The following CMSS1 variants were observed in gnomAD, a reference collection of about 807,000 sequenced individuals.
CMSS1 encodes the protein cms1 ribosomal small subunit homolog.
In CMSS1, 33 loss-of-function variants were observed where a neutral mutation model predicts 43.5. The ratio of observed to expected loss-of-function variants is 0.76; its 90% CI spans 0.57 to 1.01. The LOEUF is 1.01. CMSS1 is among the 50% of genes least tolerant of loss of function. CMSS1 has a pLI of 0.00. For synonymous variants in CMSS1, 115 were observed against 117.2 expected (o/e 0.98, Z 0.12); for missense variants, 313 against 326.4 (o/e 0.96, Z 0.32).
At position 100,169,399 on chromosome 3, in the gene CMSS1, G is replaced by T. The variant is rs141262773; in HGVS notation, c.518+1559G>T. Among the ~76,000 whole-genome samples the T allele has an allele frequency of 2.7e-3, 413 of 152,304 alleles. 1 individual carries two copies. The highest frequency in any genetic ancestry group is 9.2e-3 in the African/African-American group (383 of 41,572). ...GCTCTCTCTGAGAGCCTGGCTCTGGGCCAGGCTTTGACAGGAGACAAAACA... is the reference window on the plus strand; with the variant it reads ...GCTCTCTCTGAGAGCCTGGCTCTGGTCCAGGCTTTGACAGGAGACAAAACA... On this transcript the variant is annotated intron_variant, in intron 6 of 9. Coordinates refer to ENST00000421999, the MANE Select transcript of CMSS1 (RefSeq NM_032359.4).
chr3:100,075,547 GTCTTCTCTTTTCTTTT>G (rs2065836499), intron 1 of CMSS1: 1 of 149,334 alleles, frequency 6.7e-6, no homozygotes, highest in Non-Finnish European at 1.5e-5. Flanking sequence ...CCCAATCTTT[GTCTTCTCTTTTCTTTT>G]TCTTTTTTTT....
chr3:100,176,289 G>A lies in CMSS1; in HGVS notation c.668-38G>A. On this transcript the variant is annotated intron_variant, in intron 8 of 9. Coordinates refer to ENST00000421999, the MANE Select transcript of CMSS1 (RefSeq NM_032359.4). ...TCATTTTAATAAGCTTATGTCATGA[G>A]GTCTTTACTACAGCAACTCTCTTCC... 3.0e-6 allele frequency: 4 copies of A among 1,325,142 alleles called. No individual in the cohort carries two copies. In the East Asian group the frequency reaches 6.9e-5, roughly 23 times the overall value. The allele number at this position is 1,325,142 out of a possible 1,614,324, so 82.1% of individuals were successfully genotyped here. A position where few individuals can be genotyped will look rare whatever the true frequency, so the allele number is the denominator to read the frequency against.
chr3:99,938,633 G>A (rs1360793527), intron 1 of CMSS1, among the ~76,000 whole-genome samples: 1 of 152,172 alleles, frequency 6.6e-6, no homozygotes, highest in Non-Finnish European at 1.5e-5. Flanking sequence ...AGAATGGAAA[G>A]AGATGTATTA....
chr3:100,128,740 A>G (rs1397451590), intron 1 of CMSS1, among the ~76,000 whole-genome samples: 1 of 152,190 alleles, frequency 6.6e-6, no homozygotes, highest in East Asian at 1.9e-4. Flanking sequence ...AGAAGTTCCT[A>G]TAAATGAAAT....
At chr3:99,983,393 T>C (rs868687922) in intron 1 of CMSS1, among the ~76,000 whole-genome samples, 4 of 87,058 alleles carry the variant, frequency 4.6e-5, no homozygotes, top group Non-Finnish European at 6.5e-5. Flanking sequence ...TAAATAAATA[T>C]ATATATATAT....
chr3:99,949,521 C>T (rs986895251), intron 1 of CMSS1, among the ~76,000 whole-genome samples: 70 of 152,250 alleles, frequency 4.6e-4, no homozygotes, highest in African/African-American at 1.6e-3. Flanking sequence ...ACTCGCAGTA[C>T]GTTTTATCAG....
rs193256132 is a variant in CMSS1, at chr3:99,862,682, G to A, written c.64+44639G>A. Among the ~76,000 whole-genome samples the A allele has an allele frequency of 1.4e-3, 218 of 152,304 alleles. 2 individuals carry two copies. The highest frequency in any genetic ancestry group is 1.2e-3 in the Non-Finnish European group (79 of 68,030). ...CAGACATTGCAGAGAAATTGAGTCTGGTTGAGAAGTCACTGTTTTAGGGCA... is the reference window on the plus strand; with the variant it reads ...CAGACATTGCAGAGAAATTGAGTCTAGTTGAGAAGTCACTGTTTTAGGGCA... On this transcript the variant is annotated intron_variant, in intron 1 of 9. Coordinates refer to ENST00000421999, the MANE Select transcript of CMSS1 (RefSeq NM_032359.4).
intron 1 of CMSS1, among the ~76,000 whole-genome samples, chr3:100,074,104 G>A (rs2065807759): frequency 6.6e-6 from 1 of 152,098 alleles, no homozygotes; most frequent in Non-Finnish European, 1.5e-5. Flanking sequence ...GAAAATATGA[G>A]GCAGATCTTG....
chr3:99,912,871 G>A (rs189645375), intron 1 of CMSS1, among the ~76,000 whole-genome samples: 1 of 152,292 alleles, frequency 6.6e-6, no homozygotes, highest in East Asian at 1.9e-4. Flanking sequence ...GTACCTAAGA[G>A]TAGAATTGCT....
At chr3:99,935,156 A>G (rs1707621189) in intron 1 of CMSS1, among the ~76,000 whole-genome samples, 1 of 151,924 alleles carries the variant, frequency 6.6e-6, no homozygotes, top group South Asian at 2.1e-4. Context: ...CAGTGACTTC[A>G]TTGTTTCTCT....
chr3:100,128,139 C>T (rs1187824256), intron 1 of CMSS1, among the ~76,000 whole-genome samples: 1 of 152,214 alleles, frequency 6.6e-6, no homozygotes, highest in Non-Finnish European at 1.5e-5. Flanking sequence ...GTGCTTAGCA[C>T]AATGCCAGCC....
intron 1 of CMSS1, among the ~76,000 whole-genome samples, chr3:100,121,243 GC>G (rs1395874103): frequency 8.2e-4 from 88 of 107,454 alleles, no homozygotes; most frequent in Admixed American, 3.1e-3. Context: ...CCCTCCCCTA[GC>G]CCCCCACCCC....
At chr3:99,943,395 C>T (rs1432714647) in intron 1 of CMSS1, among the ~76,000 whole-genome samples, 1 of 151,970 alleles carries the variant, frequency 6.6e-6, no homozygotes, top group African/African-American at 2.4e-5. Flanking sequence ...TTTCATATTC[C>T]ATCTACTTTG....
chr3:99,991,262 A>T (rs1709502715), intron 1 of CMSS1, among the ~76,000 whole-genome samples: 1 of 152,186 alleles, frequency 6.6e-6, no homozygotes, highest in Admixed American at 6.5e-5. Flanking sequence ...CAAATGGCTG[A>T]TCTACCTGTT....
Position 100,178,286 on chromosome 3 carries a change from C to T in CMSS1, c.757-19C>T. The stretch of plus-strand genomic sequence containing the variant: ...TGGCTTGATCTTAATCTTTTTTTCC[C>T]CCCTTTTCTCTCATTTAGATAAGAA... On this transcript the variant is annotated intron_variant, in intron 9 of 9. Transcript: ENST00000421999. The T allele has an allele frequency of 5.9e-6, 9 of 1,534,818 alleles. No individual in the cohort carries two copies. Among genetic ancestry groups the T allele is most frequent in the Non-Finnish European group, 7.2e-6 (8 of 1,110,296 alleles).
chr3:100,034,822 C>A (rs1301385885), intron 1 of CMSS1, among the ~76,000 whole-genome samples: 1 of 152,116 alleles, frequency 6.6e-6, no homozygotes, highest in Admixed American at 6.5e-5. Flanking sequence ...AGGAGAATAT[C>A]CACTCTGATC....
chr3:99,831,550 AG>A (rs1942670441), intron 1 of CMSS1, among the ~76,000 whole-genome samples: 1 of 152,252 alleles, frequency 6.6e-6, no homozygotes, highest in East Asian at 1.9e-4. Context: ...CATGAGCAGT[AG>A]AAGCTGCAGT....
chr3:100,049,349 C>A (rs1180579285), intron 1 of CMSS1, among the ~76,000 whole-genome samples: 1 of 152,112 alleles, frequency 6.6e-6, no homozygotes, highest in Non-Finnish European at 1.5e-5. Context: ...TAGGGTCTTA[C>A]CGAACTTACC....
intron 3 of CMSS1, 150 bp from the exon 4 acceptor site, chr3:100,162,153 A>G (rs985379104): frequency 2.9e-5 from 16 of 559,556 alleles, no homozygotes; most frequent in African/African-American, 3.9e-5. Context: ...TATTTAGTGA[A>G]TTTTCTCAAA....
Sources: gnomAD v4.1 joint callset for allele counts (sites outside exome capture counted in the v4.1 genomes callset) on GRCh38, gnomAD v4.1.1 for gene constraint, MANE v1.5 for transcripts, NCBI Gene and HGNC (gene_info 2026-07-23, HGNC 2026-07-21) for gene names.